The following LRIG2 variants were observed in gnomAD, a reference collection of about 807,000 sequenced individuals.
The protein encoded by LRIG2 is leucine-rich repeats and immunoglobulin-like domains protein 2.
Under a neutral mutation model 107.8 loss-of-function variants are expected in LRIG2, and 93 were observed. The observed-to-expected ratio is 0.86, with a 90% CI of 0.73 to 1.03. The LOEUF (loss-of-function observed/expected upper bound fraction) is 1.03, where lower values mean the gene tolerates loss of function less well. Among genes scored for constraint, LRIG2 ranks in the 50% least tolerant of loss-of-function variants. LRIG2 has a pLI of 0.00. For synonymous variants in LRIG2, 471 were observed against 470.6 expected, an observed-to-expected ratio of 1.00 and a Z score of -0.01; for missense variants, 1,226 against 1,296.0, an observed-to-expected ratio of 0.95 and a Z score of 0.83.
intron 15 of LRIG2, among the ~76,000 whole-genome samples, chr1:113,115,372 G>C (rs532135799): frequency 6.6e-6 from 1 of 151,928 alleles, no homozygotes; most frequent in Non-Finnish European, 1.5e-5. Context: ...GTGCCACCGC[G>C]CCTAAGTTTT....
chr1:113,076,045 A>AC lies in LRIG2; in HGVS notation c.239+2403dup, dbSNP rs530566576. Among the ~76,000 whole-genome samples, 52 of 138,390 alleles carry AC rather than the reference A, an allele frequency of 3.8e-4. No homozygotes were observed. The East Asian group carries it at 0.011, about 29-fold the overall frequency. 90.8% of individuals were successfully genotyped at this position (138,390 alleles called of 152,430 possible). A position where few individuals can be genotyped will look rare whatever the true frequency, so the allele number is the denominator to read the frequency against. On this transcript the variant is annotated intron_variant, in intron 1 of 17. Transcript: ENST00000361127. ...ATTTAAGAGAGAGTCTTGCTCTGTC[A>AC]CCCAGGCTGGAGTGCAGTGGCACGA... is the stretch of plus-strand genomic sequence containing the variant.
chr1:113,100,589 C>G (rs941091762), intron 11 of LRIG2, 101 bp downstream of exon 11: 2 of 640,188 alleles, frequency 3.1e-6, no homozygotes, highest in East Asian at 5.5e-5. Context: ...CAAAAGCACA[C>G]AGTTCAGGCA....
intron 1 of LRIG2, among the ~76,000 whole-genome samples, chr1:113,078,230 C>T (rs1328775440): frequency 1.3e-5 from 2 of 151,578 alleles, no homozygotes; most frequent in East Asian, 1.9e-4. Context: ...TCACTATTAA[C>T]ATGTGGATTT....
At chr1:113,115,185 G>A (rs1654951449) in intron 15 of LRIG2, among the ~76,000 whole-genome samples, 1 of 152,168 alleles carries the variant, frequency 6.6e-6, no homozygotes, top group Non-Finnish European at 1.5e-5. Flanking sequence ...CCTCTTTGAG[G>A]AATAGGTTCA....
intron 8 of LRIG2, 142 bp downstream of exon 8, chr1:113,096,507 G>GC: frequency 1.2e-6 from 1 of 840,772 alleles, no homozygotes; most frequent in East Asian, 2.5e-5. Flanking sequence ...TCAGAGCAAG[G>GC]CAGTCTTATT....
chr1:113,114,466 TA>T lies in LRIG2; in HGVS notation c.2122del (p.Thr708HisfsTer11). On this transcript the variant is annotated frameshift_variant, in exon 15 of 18. Coordinates refer to ENST00000361127, the MANE Select transcript of LRIG2 (RefSeq NM_014813.3). LOFTEE classifies it high-confidence loss of function. The part of the protein sequence containing the change: ...SFIRPLEDKT[V>X]TRGETAVLQC... ...ATTAGACCCCTGGAGGATAAGACAG[TA>T]ACACGAGGTGAAACTGCGGTGTTAC... is the stretch of plus-strand genomic sequence containing the variant. 6.2e-7 allele frequency: 1 copy of T among 1,613,584 alleles called. No homozygotes were observed. Among genetic ancestry groups the T allele is most frequent in the Non-Finnish European group, 8.5e-7 (1 of 1,179,822 alleles).
At chr1:113,120,188 G>A (rs1256451213) in intron 17 of LRIG2, among the ~76,000 whole-genome samples, 4 of 151,788 alleles carry the variant, frequency 2.6e-5, no homozygotes, top group African/African-American at 4.8e-5. Flanking sequence ...AGTGGCTCAC[G>A]CCTGTAATCT....
chr1:113,113,002 A>C (rs1263062148), intron 14 of LRIG2, among the ~76,000 whole-genome samples: 1 of 152,154 alleles, frequency 6.6e-6, no homozygotes, highest in Non-Finnish European at 1.5e-5. Context: ...GAAAGTTCAA[A>C]TTCCTTTATC....
chr1:113,085,588 C>T (rs545717240), intron 1 of LRIG2, among the ~76,000 whole-genome samples: 138 of 152,188 alleles, frequency 9.1e-4, no homozygotes, highest in African/African-American at 3.2e-3. Flanking sequence ...GCGGTCTATC[C>T]TGAAGATCTT....
Position 113,112,640 on chromosome 1 carries a change from A to G in LRIG2, c.1960A>G (p.Met654Val), listed in dbSNP as rs1185253029. 2.5e-6 allele frequency: 4 copies of G among 1,614,092 alleles called. No homozygotes were observed. The highest frequency in any genetic ancestry group is 1.3e-5 in the African/African-American group (1 of 74,948). ...GGCTCGAGAAAGACGCATGCACGTC[A>G]TGCCCGAGGATGACGTCTTCTTTAT... ...PAARERRMHVMPEDDVFFIAN... is the reference protein window; with the variant it reads ...PAARERRMHVVPEDDVFFIAN... Residue 654 changes from methionine (M) to valine (V), a missense_variant, in exon 14 of 18, where the codon ATG becomes GTG. Around this residue, in one of 3 missense-constraint regions of LRIG2, gnomAD observed 642 missense variants for 712.2 expected, o/e 0.90. Coordinates refer to ENST00000361127, the MANE Select transcript of LRIG2 (RefSeq NM_014813.3).
intron 1 of LRIG2, among the ~76,000 whole-genome samples, chr1:113,080,444 A>G (rs1367009452): frequency 3.3e-5 from 5 of 151,512 alleles, no homozygotes; most frequent in African/African-American, 1.2e-4. Flanking sequence ...CAGTGGCGCA[A>G]TCTCGGCTCA....
At chr1:113,120,879 C>T (rs1394849950) in intron 17 of LRIG2, among the ~76,000 whole-genome samples, 4 of 147,272 alleles carry the variant, frequency 2.7e-5, no homozygotes, top group East Asian at 2.1e-4. Context: ...AGTCCAGTGG[C>T]GTGATCTCAA....
intron 13 of LRIG2, 123 bp from the exon 14 acceptor site, chr1:113,112,356 C>G: frequency 1.2e-6 from 1 of 857,266 alleles, no homozygotes; most frequent in Non-Finnish European, 1.8e-6. Context: ...GAGAGCCTGT[C>G]TTCACAAAGA....
chr1:113,075,178 C>G (rs1652916329), intron 1 of LRIG2, among the ~76,000 whole-genome samples: 1 of 151,658 alleles, frequency 6.6e-6, no homozygotes, highest in Non-Finnish European at 1.5e-5. Context: ...TGCCATTGCA[C>G]TCCAGCCTGG....
rs779093857 is a variant in LRIG2, at chr1:113,126,327, G to A, written c.*2226G>A. ...TGGAGGGAACCTACTTTTATTTCTC[G>A]CTCTGGTTCTCCATTGGTCTGGGCT... On this transcript the variant is annotated 3_prime_UTR_variant, in exon 18 of 18. Transcript: ENST00000361127. The A allele has an allele frequency of 1.1e-4, 19 of 170,238 alleles. No homozygotes were observed. Among genetic ancestry groups the A allele is most frequent in the Non-Finnish European group, 1.3e-5 (1 of 76,884 alleles). The allele number at this position is 170,238 out of a possible 1,614,324, so 10.5% of individuals were successfully genotyped here. A position where few individuals can be genotyped will look rare whatever the true frequency, so the allele number is the denominator to read the frequency against.
intron 16 of LRIG2, among the ~76,000 whole-genome samples, chr1:113,118,954 G>A (rs747230219): frequency 4.6e-5 from 7 of 152,118 alleles, no homozygotes; most frequent in East Asian, 1.9e-4. Context: ...GTGAGCCACC[G>A]CACCCGGTAG....
chr1:113,092,989 CA>C (rs909519870), intron 2 of LRIG2, among the ~76,000 whole-genome samples: 10 of 123,954 alleles, frequency 8.1e-5, no homozygotes, highest in Non-Finnish European at 8.6e-5. Flanking sequence ...AACTCTGTTT[CA>C]AAAAAAAAAG....
At chr1:113,113,440 A>C (rs1487917728) in intron 14 of LRIG2, among the ~76,000 whole-genome samples, 1 of 145,316 alleles carries the variant, frequency 6.9e-6, no homozygotes, top group South Asian at 2.1e-4. Context: ...CCAGTTCTCT[A>C]TTTTCCTATA....
chr1:113,120,656 A>G (rs1257920815), intron 17 of LRIG2, among the ~76,000 whole-genome samples: 1 of 151,562 alleles, frequency 6.6e-6, no homozygotes, highest in African/African-American at 2.4e-5. Context: ...GATTACAGGC[A>G]TGTGCCACCA....
Sources: gnomAD v4.1 joint callset for allele counts (sites outside exome capture counted in the v4.1 genomes callset) on GRCh38, gnomAD v4.1.1 for gene constraint, gnomAD v4.1.1 regional missense constraint, MANE v1.5 for transcripts, NCBI Gene and HGNC (gene_info 2026-07-23, HGNC 2026-07-21) for gene names.